Variants in CDS1 observed in about 807,000 individuals in gnomAD.
The protein encoded by CDS1 is CDP-diacylglycerol synthase 1, also known as phosphatidate cytidylyltransferase 1.
A neutral mutation model predicts 62.1 loss-of-function variants in CDS1; 41 were observed. The ratio of observed to expected loss-of-function variants is 0.66; its 90% CI spans 0.51 to 0.86. CDS1 has a LOEUF of 0.86. Ranked by LOEUF, CDS1 falls within the 40% of genes least tolerant of loss-of-function variation. CDS1 has a pLI of 0.00. For missense variants in CDS1, 470 were observed against 550.1 expected (o/e 0.85, Z 1.46); for synonymous variants, 185 against 192.6 (o/e 0.96, Z 0.32).
intron 11 of CDS1, 25 bp from the exon 12 acceptor site, chr4:84,645,197 C>CTAAT: frequency 6.7e-7 from 1 of 1,483,196 alleles, no homozygotes; most frequent in East Asian, 2.3e-5. Context: ...TGAAAATTTG[C>CTAAT]TAATATATTT....
chr4:84,639,329 C>T (rs566067114), intron 9 of CDS1, among the ~76,000 whole-genome samples: 16 of 152,280 alleles, frequency 1.1e-4, no homozygotes, highest in East Asian at 3.9e-4. Flanking sequence ...CTGCCTTAGG[C>T]GGGGCACAAG....
Position 84,635,363 on chromosome 4 carries a change from AT to A in CDS1, c.810+16del. 1 of 1,266,590 alleles carries A rather than the reference AT, an allele frequency of 7.9e-7. No individual in the cohort carries two copies. The highest frequency in any genetic ancestry group is 1.1e-6 in the Non-Finnish European group (1 of 873,382). 78.5% of individuals were successfully genotyped at this position (1,266,590 alleles called of 1,614,324 possible). A position where few individuals can be genotyped will look rare whatever the true frequency, so the allele number is the denominator to read the frequency against. On this transcript the variant is annotated intron_variant, in intron 8 of 12. Coordinates refer to ENST00000295887, the MANE Select transcript of CDS1 (RefSeq NM_001263.4). ...CTCCATTAATTAAGGTAATGGAAAA[AT>A]TTTATAAGCAAGCCACTATGTAACC...
At chr4:84,610,768 C>G (rs112578387) in intron 3 of CDS1, among the ~76,000 whole-genome samples, 5,696 of 152,120 alleles carry the variant, frequency 0.037, 117 homozygotes, top group South Asian at 0.052. Context: ...CAACGGTATT[C>G]AGTAAAGTAA....
intron 10 of CDS1, among the ~76,000 whole-genome samples, chr4:84,641,818 G>A (rs1724392030): frequency 6.6e-6 from 1 of 152,184 alleles, no homozygotes; most frequent in Non-Finnish European, 1.5e-5. Flanking sequence ...GTATCTTTGT[G>A]TGCACACATG....
At chr4:84,615,303 T>A (rs1723454165) in intron 3 of CDS1, among the ~76,000 whole-genome samples, 1 of 152,058 alleles carries the variant, frequency 6.6e-6, no homozygotes, top group Non-Finnish European at 1.5e-5. Flanking sequence ...TGAAGTGGCA[T>A]CTTGCCTCCT....
chr4:84,645,131 AGT>A (rs1724518247), intron 11 of CDS1, 89 bp from the exon 12 acceptor site: 3 of 799,392 alleles, frequency 3.8e-6, no homozygotes, highest in Non-Finnish European at 6.5e-6. Context: ...TTTTCGTTAG[AGT>A]GAGTCCATGA....
At chr4:84,617,763 T>G (rs1001883862) in intron 4 of CDS1, 102 bp downstream of exon 4, 10 of 527,888 alleles carry the variant, frequency 1.9e-5, no homozygotes, top group Admixed American at 1.5e-4. Flanking sequence ...ACCCTATAGA[T>G]TGATTCTAGA....
chr4:84,617,807 G>A, intron 4 of CDS1, 146 bp downstream of exon 4: 1 of 451,766 alleles, frequency 2.2e-6, no homozygotes, highest in Non-Finnish European at 3.9e-6. Flanking sequence ...ATTGAATTTT[G>A]AAAAGATCAC....
At chr4:84,585,908 G>T (rs539787397) in intron 1 of CDS1, among the ~76,000 whole-genome samples, 255 of 152,294 alleles carry the variant, frequency 1.7e-3, no homozygotes, top group Non-Finnish European at 2.9e-3. Context: ...TCTGTACAAG[G>T]CTCATTGTTA....
chr4:84,604,368 A>T lies in CDS1; in HGVS notation c.243A>T (p.Ser81=), dbSNP rs1304815627. Residue 81 remains serine (S), a splice_region_variant and synonymous_variant, in exon 2 of 13, where the codon TCA becomes TCT. Coordinates refer to ENST00000295887, the MANE Select transcript of CDS1 (RefSeq NM_001263.4). ...AAAAAGCTCTATCTGGTTTATCTTC[A>T]AGGTATGATTGGATGAAGATGAGTA... ...ILKKALSGLS[S]RWKNWWIRGI... is the part of the protein sequence containing the mutation. 6.2e-7 allele frequency: 1 copy of T among 1,612,764 alleles called. No individual in the cohort carries two copies. The highest frequency in any genetic ancestry group is 1.7e-5 in the Admixed American group (1 of 59,906).
chr4:84,637,745 A>C (rs1419900737), intron 8 of CDS1, among the ~76,000 whole-genome samples: 1 of 152,228 alleles, frequency 6.6e-6, no homozygotes, highest in Admixed American at 6.5e-5. Flanking sequence ...GATTAATTGT[A>C]TAATATACTT....
intron 8 of CDS1, among the ~76,000 whole-genome samples, chr4:84,636,788 G>A (rs1053221262): frequency 7.9e-5 from 12 of 152,274 alleles, no homozygotes; most frequent in Admixed American, 1.3e-4. Flanking sequence ...GCCTCTGAAA[G>A]TGCTGGGATT....
intron 9 of CDS1, among the ~76,000 whole-genome samples, chr4:84,639,552 T>C (rs965658340): frequency 4.6e-5 from 7 of 152,216 alleles, no homozygotes; most frequent in African/African-American, 1.4e-4. Context: ...TTTACAGTTA[T>C]AGGATTTAGA....
At chr4:84,606,516 A>T (rs1164391731) in intron 2 of CDS1, among the ~76,000 whole-genome samples, 1 of 152,210 alleles carries the variant, frequency 6.6e-6, no homozygotes, top group African/African-American at 2.4e-5. Context: ...AGTTTATCCA[A>T]CTGACCACCT....
Position 84,619,193 on chromosome 4 carries a change from T to G in CDS1, c.441-201T>G, listed in dbSNP as rs530860559. 8.5e-5 allele frequency among the ~76,000 whole-genome samples: 13 copies of G among 152,306 alleles called. No individual in the cohort carries two copies. The South Asian group carries it at 2.1e-3, about 24-fold the overall frequency. ...TTCAGCTAAATAAAGGTATGAACTA[T>G]GTTTGGTAAATTTTTGCTAATCAAT... On this transcript the variant is annotated intron_variant, in intron 4 of 12. Coordinates refer to ENST00000295887, the MANE Select transcript of CDS1 (RefSeq NM_001263.4).
Position 84,583,428 on chromosome 4 carries a change from C to T in CDS1, c.27C>T (p.Ser9=). 2 of 1,598,006 alleles carry T rather than the reference C, an allele frequency of 1.3e-6. No individual in the cohort carries two copies. Among genetic ancestry groups the T allele is most frequent in the Admixed American group, 1.7e-5 (1 of 58,892 alleles). Residue 9 remains serine (S), a synonymous_variant, in exon 1 of 13, where the codon AGC becomes AGT. Coordinates refer to ENST00000295887, the MANE Select transcript of CDS1 (RefSeq NM_001263.4). MLELRHRG[S]CPGPREAVSP... ...TGTTGGAGCTGAGGCACCGGGGAAG[C>T]TGCCCCGGCCCCAGGGAAGCGGTGT...
intron 2 of CDS1, among the ~76,000 whole-genome samples, chr4:84,608,464 A>G (rs368906289): frequency 8.0e-4 from 122 of 152,264 alleles, no homozygotes; most frequent in Admixed American, 1.6e-3. Flanking sequence ...GTGAGCCACC[A>G]CGCCCGGCCA....
chr4:84,645,904 G>A (rs1469973617), intron 12 of CDS1, among the ~76,000 whole-genome samples: 2 of 152,128 alleles, frequency 1.3e-5, no homozygotes, highest in African/African-American at 4.8e-5. Context: ...TGTGTGTAGG[G>A]GCTGGCTGGT....
intron 12 of CDS1, 31 bp from the exon 13 acceptor site, chr4:84,648,526 C>A: frequency 6.2e-7 from 1 of 1,605,096 alleles, no homozygotes; most frequent in Non-Finnish European, 8.5e-7. Context: ...TAAAATAACA[C>A]GAACTTGTCT....
Sources: allele counts gnomAD v4.1 joint callset (sites outside exome capture counted in the v4.1 genomes callset), GRCh38; gene constraint gnomAD v4.1.1; transcripts MANE v1.5; gene names NCBI Gene and HGNC (gene_info 2026-07-23, HGNC 2026-07-21).